The following CTNNA2 variants were observed in gnomAD, a reference collection of about 807,000 sequenced individuals.
CTNNA2 encodes catenin alpha 2.
Under a neutral mutation model 101.0 loss-of-function variants are expected in CTNNA2, and 42 were observed. The ratio of observed to expected loss-of-function variants is 0.42; its 90% CI spans 0.32 to 0.54. The LOEUF (loss-of-function observed/expected upper bound fraction) is 0.54. Ranked by LOEUF, CTNNA2 falls within the 20% of genes least tolerant of loss-of-function variation. The probability of loss-of-function intolerance (pLI) is 0.14; values close to 1 mark genes in which losing one functional copy is unlikely to be tolerated. For synonymous variants in CTNNA2, 450 were observed against 456.4 expected, an observed-to-expected ratio of 0.99 and a Z score of 0.18; for missense variants, 871 against 1,223.1, an observed-to-expected ratio of 0.71 and a Z score of 4.29.
At chr2:79,483,550 G>A (rs2104558183) in intron 4 of CTNNA2, among the ~76,000 whole-genome samples, 1 of 151,844 alleles carries the variant, frequency 6.6e-6, no homozygotes, top group African/African-American at 2.4e-5. Flanking sequence ...GTGGACCGAG[G>A]GCCTCATCTC....
intron 4 of CTNNA2, 87 bp from the exon 5 acceptor site, chr2:79,869,729 G>A: frequency 1.3e-6 from 2 of 1,521,656 alleles, no homozygotes; most frequent in Non-Finnish European, 1.8e-6. Flanking sequence ...GTGTTTTAGA[G>A]TTTTTGGGTG....
At chr2:79,411,039 G>A (rs138787088) in intron 4 of CTNNA2, among the ~76,000 whole-genome samples, 2,025 of 152,186 alleles carry the variant, frequency 0.013, 37 homozygotes, top group African/African-American at 0.046. Flanking sequence ...GAGAGTGTAC[G>A]TGTTGAGGAA....
intron 7 of CTNNA2, among the ~76,000 whole-genome samples, chr2:80,040,896 A>G (rs894036721): frequency 6.6e-6 from 1 of 152,242 alleles, no homozygotes; most frequent in African/African-American, 2.4e-5. Flanking sequence ...GTGTCAAAAA[A>G]TACATTAACA....
chr2:79,682,410 CAAAAAAAAAA>C (rs10674928), intron 2 of CTNNA2, among the ~76,000 whole-genome samples: 2 of 73,334 alleles, frequency 2.7e-5, no homozygotes, highest in South Asian at 5.8e-4. Flanking sequence ...AACTCCATCT[CAAAAAAAAAA>C]AAAAAAAAAA....
At chr2:80,595,470 C>G (rs769241610) in intron 15 of CTNNA2, among the ~76,000 whole-genome samples, 1 of 152,126 alleles carries the variant, frequency 6.6e-6, no homozygotes, top group South Asian at 2.1e-4. Flanking sequence ...AGTTCTTTAA[C>G]TTGCCTGATT....
chr2:80,457,123 C>G (rs923694053), intron 9 of CTNNA2, among the ~76,000 whole-genome samples: 2 of 151,724 alleles, frequency 1.3e-5, no homozygotes, highest in African/African-American at 4.8e-5. Context: ...GTCACCCAGG[C>G]GGTGATCTCG....
chr2:80,210,905 A>G (rs1480800183), intron 7 of CTNNA2, among the ~76,000 whole-genome samples: 1 of 152,158 alleles, frequency 6.6e-6, no homozygotes, highest in Non-Finnish European at 1.5e-5. Context: ...AATAATCGCC[A>G]TTCTAACTGG....
intron 4 of CTNNA2, among the ~76,000 whole-genome samples, chr2:79,488,500 C>G (rs192648523): frequency 3.1e-4 from 47 of 152,038 alleles, no homozygotes; most frequent in South Asian, 8.3e-4. Flanking sequence ...AATCAGGAAC[C>G]AACATAGGTG....
intron 7 of CTNNA2, among the ~76,000 whole-genome samples, chr2:80,112,282 G>A (rs1323639855): frequency 1.3e-5 from 2 of 152,026 alleles, no homozygotes; most frequent in Non-Finnish European, 2.9e-5. Flanking sequence ...ATATTAAATT[G>A]AAATTTTGAT....
intron 4 of CTNNA2, among the ~76,000 whole-genome samples, chr2:79,503,696 A>G (rs1211750130): frequency 6.6e-6 from 1 of 152,218 alleles, no homozygotes; most frequent in Non-Finnish European, 1.5e-5. Context: ...AAGAAAGAGA[A>G]GTGAACAGCT....
intron 13 of CTNNA2, among the ~76,000 whole-genome samples, chr2:80,580,205 C>T (rs1695408397): frequency 6.6e-6 from 1 of 152,158 alleles, no homozygotes; most frequent in African/African-American, 2.4e-5. Flanking sequence ...CTGTAAAGCA[C>T]TTAGAAAAAA....
intron 7 of CTNNA2, among the ~76,000 whole-genome samples, chr2:80,006,593 A>T (rs1424478591): frequency 6.6e-6 from 1 of 152,050 alleles, no homozygotes; most frequent in Admixed American, 6.6e-5. Context: ...GCACTATTGG[A>T]TTCAACTCCT....
chr2:79,984,731 T>G (rs1276502328), intron 7 of CTNNA2, among the ~76,000 whole-genome samples: 1 of 152,060 alleles, frequency 6.6e-6, no homozygotes, highest in African/African-American at 2.4e-5. Flanking sequence ...TGCCCAGCCC[T>G]GCCATTATTG....
chr2:80,395,822 T>C (rs1677961561), intron 8 of CTNNA2, among the ~76,000 whole-genome samples: 1 of 152,228 alleles, frequency 6.6e-6, no homozygotes, highest in Non-Finnish European at 1.5e-5. Flanking sequence ...TACACATGTA[T>C]TCCTTTGTAT....
At chr2:79,332,572 C>T (rs934021618) in intron 3 of CTNNA2, among the ~76,000 whole-genome samples, 16 of 152,144 alleles carry the variant, frequency 1.1e-4, no homozygotes, top group Non-Finnish European at 2.1e-4. Context: ...CTAAGGTGCA[C>T]TTTCCATATT....
At chr2:80,527,679 G>A (rs1476784582) in intron 9 of CTNNA2, among the ~76,000 whole-genome samples, 1 of 152,102 alleles carries the variant, frequency 6.6e-6, no homozygotes, top group African/African-American at 2.4e-5. Flanking sequence ...GGGAGAGAGA[G>A]GACATCTCTG....
chr2:80,307,538 T>C (rs1486350210), intron 7 of CTNNA2, among the ~76,000 whole-genome samples: 1 of 152,196 alleles, frequency 6.6e-6, no homozygotes, highest in East Asian at 1.9e-4. Flanking sequence ...CTCTCATATG[T>C]CTGTACCTGT....
At chr2:79,374,413 G>C (rs957278399) in intron 4 of CTNNA2, among the ~76,000 whole-genome samples, 1 of 152,146 alleles carries the variant, frequency 6.6e-6, no homozygotes, top group Non-Finnish European at 1.5e-5. Flanking sequence ...ATCTAAGACT[G>C]ATTCATGGAC....
chr2:79,340,658 C>A (rs959695931), intron 3 of CTNNA2, among the ~76,000 whole-genome samples: 43 of 151,736 alleles, frequency 2.8e-4, no homozygotes, highest in Admixed American at 7.2e-4. Flanking sequence ...ACGGTGAAAC[C>A]CTGTCTCTAC....
Sources: gnomAD v4.1 joint callset for allele counts (sites outside exome capture counted in the v4.1 genomes callset) on GRCh38, gnomAD v4.1.1 for gene constraint, MANE v1.5 for transcripts, NCBI Gene and HGNC (gene_info 2026-07-23, HGNC 2026-07-21) for gene names.